The following DDX10 variants were observed in gnomAD, a reference collection of about 807,000 sequenced individuals.
DDX10 encodes the protein DEAD-box helicase 10.
Under a neutral mutation model 104.3 loss-of-function variants are expected in DDX10, and 74 were observed. The observed-to-expected ratio is 0.71, with a 90% confidence interval of 0.59 to 0.86. The LOEUF is 0.86. Ranked by LOEUF, DDX10 falls within the 40% of genes least tolerant of loss-of-function variation. The probability of loss-of-function intolerance (pLI) is 0.00; values close to 1 mark genes in which losing one functional copy is unlikely to be tolerated. For missense variants in DDX10, 952 were observed against 1,040.0 expected, an observed-to-expected ratio of 0.92 and a Z score of 1.16; for synonymous variants, 351 against 353.4, an observed-to-expected ratio of 0.99 and a Z score of 0.08.
intron 13 of DDX10, among the ~76,000 whole-genome samples, chr11:108,777,320 CTTTCTTTCTTTCTTTTTCTTTTCTT>C (rs1393468049): frequency 6.8e-6 from 1 of 147,944 alleles, no homozygotes; most frequent in Non-Finnish European, 1.5e-5. Flanking sequence ...TTTCTTTTCT[CTTTCTTTCTTTCTTTTTCTTTTCTT>C]TTGAGATAGA....
intron 12 of DDX10, among the ~76,000 whole-genome samples, chr11:108,721,642 T>G (rs1565258190): frequency 6.6e-6 from 1 of 152,198 alleles, no homozygotes; most frequent in African/African-American, 2.4e-5. Context: ...GGTATTTTAA[T>G]TTTTTTAGAT....
At chr11:108,763,053 TC>T (rs2094352526) in intron 13 of DDX10, among the ~76,000 whole-genome samples, 1 of 152,168 alleles carries the variant, frequency 6.6e-6, no homozygotes, top group Non-Finnish European at 1.5e-5. Flanking sequence ...TTGTTGCTAC[TC>T]CCTGTTCTCA....
chr11:108,840,875 C>A (rs1345093154), intron 14 of DDX10, among the ~76,000 whole-genome samples: 1 of 152,174 alleles, frequency 6.6e-6, no homozygotes, highest in African/African-American at 2.4e-5. Context: ...GAACATAAAA[C>A]AACGCAGTGC....
chr11:108,750,403 CTTAAG>C (rs756531441), intron 13 of DDX10, among the ~76,000 whole-genome samples: 1 of 152,110 alleles, frequency 6.6e-6, no homozygotes. Context: ...AAATATGAAT[CTTAAG>C]TTATCTTCTA....
At chr11:108,900,172 A>G (rs995096020) in intron 16 of DDX10, among the ~76,000 whole-genome samples, 4 of 151,852 alleles carry the variant, frequency 2.6e-5, no homozygotes, top group Admixed American at 2.6e-4. Flanking sequence ...GCCATGTGAG[A>G]CACTGGCTCT....
chr11:108,866,054 A>G (rs1863004609), intron 16 of DDX10, among the ~76,000 whole-genome samples: 2 of 152,204 alleles, frequency 1.3e-5, no homozygotes, highest in South Asian at 4.1e-4. Flanking sequence ...AGTTGTAGGT[A>G]ATAATGTTAT....
chr11:108,778,749 G>C (rs1322031048), intron 13 of DDX10, among the ~76,000 whole-genome samples: 1 of 152,156 alleles, frequency 6.6e-6, no homozygotes, highest in Non-Finnish European at 1.5e-5. Context: ...CCATCAGAGT[G>C]AACAGGCAAC....
intron 13 of DDX10, among the ~76,000 whole-genome samples, chr11:108,792,616 T>C (rs1437568764): frequency 6.6e-6 from 1 of 152,186 alleles, no homozygotes; most frequent in African/African-American, 2.4e-5. Flanking sequence ...ATTCCTTTGA[T>C]TATCTGTCCT....
intron 14 of DDX10, among the ~76,000 whole-genome samples, chr11:108,840,891 A>G (rs1288609697): frequency 6.6e-6 from 1 of 152,168 alleles, no homozygotes; most frequent in African/African-American, 2.4e-5. Flanking sequence ...AGTGCAATGA[A>G]CTTTGTGTGA....
chr11:108,748,692 T>A lies in DDX10; in HGVS notation c.1965+25230T>A, dbSNP rs538294479. ...TCTTGTACTCATTTATTTAATTTTT[T>A]TTTTAAGAAGTGGAGTCTTGTGCTG... On this transcript the variant is annotated intron_variant, in intron 13 of 17. Coordinates refer to ENST00000322536, the MANE Select transcript of DDX10 (RefSeq NM_004398.4). Among the ~76,000 whole-genome samples the A allele has an allele frequency of 2.6e-5, 4 of 152,162 alleles. No individual in the cohort carries two copies. The South Asian group carries it at 8.3e-4, about 32-fold the overall frequency.
intron 13 of DDX10, among the ~76,000 whole-genome samples, chr11:108,828,634 A>T (rs1028109087): frequency 1.3e-5 from 2 of 152,006 alleles, no homozygotes; most frequent in African/African-American, 4.8e-5. Flanking sequence ...TTTTAAGACT[A>T]CAGTTTAATT....
rs780197893 is a variant in DDX10 at position 108,688,951 on chromosome 11, G to A, written c.864G>A (p.Leu288=). ...ATTCCACAAGCACCCCTGCCACTTTGGAACAGAACTACATAGTCTGTGAGC... is the reference window on the plus strand; with the variant it reads ...ATTCCACAAGCACCCCTGCCACTTTAGAACAGAACTACATAGTCTGTGAGC... ...EKAKYSTPAT[L]EQNYIVCELQ... is the part of the protein sequence containing the mutation. Residue 288 remains leucine, a synonymous_variant, in exon 7 of 18, where the codon TTG becomes TTA. Coordinates refer to ENST00000322536, the MANE Select transcript of DDX10 (RefSeq NM_004398.4). 2 of 1,612,402 alleles carry A rather than the reference G, an allele frequency of 1.2e-6. No homozygotes were observed. Among genetic ancestry groups the A allele is most frequent in the Non-Finnish European group, 1.7e-6 (2 of 1,179,128 alleles).
intron 10 of DDX10, among the ~76,000 whole-genome samples, chr11:108,713,124 T>C (rs2094286720): frequency 1.3e-5 from 2 of 152,308 alleles, no homozygotes; most frequent in South Asian, 4.1e-4. Flanking sequence ...TTGACAGTGA[T>C]ATGCCTAGGT....
At chr11:108,878,678 T>C (rs1168780230) in intron 16 of DDX10, among the ~76,000 whole-genome samples, 3 of 152,232 alleles carry the variant, frequency 2.0e-5, no homozygotes, top group African/African-American at 7.2e-5. Flanking sequence ...AAAGACTTCT[T>C]AGATTTATTC....
chr11:108,724,819 T>C (rs1205702534), intron 13 of DDX10, among the ~76,000 whole-genome samples: 1 of 152,060 alleles, frequency 6.6e-6, no homozygotes, highest in Non-Finnish European at 1.5e-5. Flanking sequence ...AAAATGTATA[T>C]AGCAAAACAA....
At chr11:108,921,481 G>A (rs1464526879) in intron 17 of DDX10, 2 of 152,172 alleles carry the variant, frequency 1.3e-5, no homozygotes, top group Admixed American at 6.5e-5. Flanking sequence ...GAGTCCTCTT[G>A]ACATGTTCAC....
At chr11:108,758,199 G>A (rs552371272) in intron 13 of DDX10, among the ~76,000 whole-genome samples, 4 of 152,058 alleles carry the variant, frequency 2.6e-5, no homozygotes, top group African/African-American at 9.6e-5. Flanking sequence ...TATACTTTTT[G>A]TATTCTCATC....
chr11:108,669,064 A>G (rs1201776901), intron 1 of DDX10, among the ~76,000 whole-genome samples: 1 of 149,336 alleles, frequency 6.7e-6, no homozygotes, highest in Non-Finnish European at 1.5e-5. Context: ...CAAACTGTCC[A>G]GTGGTTTGCA....
intron 13 of DDX10, among the ~76,000 whole-genome samples, chr11:108,737,850 G>T (rs941367234): frequency 6.6e-6 from 1 of 152,006 alleles, no homozygotes; most frequent in African/African-American, 2.4e-5. Flanking sequence ...AAATTAAAAT[G>T]GCCTATTTCC....
Sources: allele counts gnomAD v4.1 joint callset (sites outside exome capture counted in the v4.1 genomes callset), GRCh38; gene constraint gnomAD v4.1.1; transcripts MANE v1.5; gene names NCBI Gene and HGNC (gene_info 2026-07-23, HGNC 2026-07-21).